The following KCNQ3 variants were observed in gnomAD, a reference collection of about 807,000 sequenced individuals.
The protein encoded by KCNQ3 is potassium voltage-gated channel subfamily KQT member 3.
In KCNQ3, 30 loss-of-function variants were observed where a neutral mutation model predicts 92.5. The observed-to-expected ratio is 0.32, with a 90% CI of 0.24 to 0.44. KCNQ3 has a LOEUF of 0.44. Ranked by LOEUF, KCNQ3 falls within the 20% of genes least tolerant of loss-of-function variation. The pLI is 1.00. For missense variants in KCNQ3, 913 were observed against 1,140.3 expected (o/e 0.80, Z 2.87); for synonymous variants, 450 against 468.8 (o/e 0.96, Z 0.52).
intron 1 of KCNQ3, among the ~76,000 whole-genome samples, chr8:132,204,241 A>C (rs1480347194): frequency 6.6e-6 from 1 of 152,252 alleles, no homozygotes; most frequent in East Asian, 1.9e-4. Context: ...CGCCGGAGGC[A>C]GATCCTGCAT....
At chr8:132,189,195 C>A (rs1369734130) in intron 1 of KCNQ3, among the ~76,000 whole-genome samples, 2 of 152,160 alleles carry the variant, frequency 1.3e-5, no homozygotes, top group African/African-American at 2.4e-5. Context: ...ATGTCCCCAT[C>A]ATTAACCTGC....
Position 132,122,422 on chromosome 8 carries a change from C to T in KCNQ3, c.*6840G>A, listed in dbSNP as rs1227756576. The T allele has an allele frequency of 6.6e-6, 1 of 152,304 alleles. No individual in the cohort carries two copies. The highest frequency in any genetic ancestry group is 2.4e-5 in the African/African-American group (1 of 41,566). The allele number at this position is 152,304 out of a possible 1,614,324, so 9.4% of individuals were successfully genotyped here. On this transcript the variant is annotated 3_prime_UTR_variant, in exon 15 of 15. Coordinates refer to ENST00000388996, the MANE Select transcript of KCNQ3 (RefSeq NM_004519.4). The stretch of plus-strand genomic sequence containing the variant: ...TTTATTACTCTTAGGTATCAAATTG[C>T]AGTCCATTCGACAAGTCTAAGAGGA...
intron 1 of KCNQ3, among the ~76,000 whole-genome samples, chr8:132,361,103 A>G (rs1403253367): frequency 6.6e-6 from 1 of 152,192 alleles, no homozygotes. Flanking sequence ...TTTTACAGAT[A>G]AGGGGGCTGA....
chr8:132,285,510 G>T (rs536946538), intron 1 of KCNQ3, among the ~76,000 whole-genome samples: 1 of 152,336 alleles, frequency 6.6e-6, no homozygotes, highest in Admixed American at 6.5e-5. Flanking sequence ...TTTTTAAGTA[G>T]CAAAGTGCTC....
chr8:132,308,204 T>C (rs1817488705), intron 1 of KCNQ3, among the ~76,000 whole-genome samples: 2 of 152,192 alleles, frequency 1.3e-5, no homozygotes, highest in Non-Finnish European at 2.9e-5. Context: ...CCACCTGACT[T>C]TGAGTCTAGG....
intron 1 of KCNQ3, among the ~76,000 whole-genome samples, chr8:132,217,991 T>A (rs1814096547): frequency 6.6e-6 from 1 of 152,222 alleles, no homozygotes; most frequent in Non-Finnish European, 1.5e-5. Context: ...GTTTATGTTA[T>A]TAATTTGCTT....
intron 1 of KCNQ3, chr8:132,447,108 T>C (rs898440901): frequency 9.2e-7 from 1 of 1,087,680 alleles, no homozygotes; most frequent in South Asian, 1.3e-5. Flanking sequence ...AAATAAGCTA[T>C]GCATGTGGCT....
chr8:132,340,031 T>C (rs191056006), intron 1 of KCNQ3, among the ~76,000 whole-genome samples: 4 of 151,402 alleles, frequency 2.6e-5, no homozygotes, highest in East Asian at 3.9e-4. Flanking sequence ...CACTGGTCAT[T>C]AGAGAAATGC....
At chr8:132,180,130 G>T in intron 4 of KCNQ3, 27 bp downstream of exon 4, 1 of 1,613,340 alleles carries the variant, frequency 6.2e-7, no homozygotes, top group African/African-American at 1.3e-5. Context: ...AGCCCATGTG[G>T]TCCTGCAGTT....
chr8:132,215,961 G>A (rs1369324481), intron 1 of KCNQ3, among the ~76,000 whole-genome samples: 1 of 152,122 alleles, frequency 6.6e-6, no homozygotes. Flanking sequence ...CTCAACGTAA[G>A]ATAAAGGGGA....
At chr8:132,414,681 G>C (rs1429448429) in intron 1 of KCNQ3, among the ~76,000 whole-genome samples, 5 of 152,148 alleles carry the variant, frequency 3.3e-5, no homozygotes, top group African/African-American at 1.2e-4. Flanking sequence ...CGGTGGGAAA[G>C]GTGGAGAGAC....
intron 1 of KCNQ3, among the ~76,000 whole-genome samples, chr8:132,358,087 C>T (rs764942961): frequency 2.0e-5 from 3 of 152,182 alleles, no homozygotes; most frequent in Non-Finnish European, 2.9e-5. Flanking sequence ...AAAAAAGGAG[C>T]TTCTTTAAGG....
intron 1 of KCNQ3, chr8:132,278,122 C>T (rs1029209422): frequency 1.0e-6 from 1 of 985,340 alleles, no homozygotes. Flanking sequence ...CACATTGCCT[C>T]TAACTAACTA....
intron 1 of KCNQ3, among the ~76,000 whole-genome samples, 154 bp downstream of exon 1, chr8:132,479,993 C>CACACACACACACA (rs1554660743): frequency 1.2e-4 from 18 of 148,524 alleles, no homozygotes; most frequent in South Asian, 4.3e-4. Context: ...CACACACACA[C>CACACACACACACA]CCAGGGAAAC....
At chr8:132,347,145 C>G (rs1281670979) in intron 1 of KCNQ3, among the ~76,000 whole-genome samples, 3 of 152,082 alleles carry the variant, frequency 2.0e-5, no homozygotes, top group Non-Finnish European at 2.9e-5. Flanking sequence ...ACCTTCTGCC[C>G]CTGGAGTCTG....
intron 1 of KCNQ3, among the ~76,000 whole-genome samples, chr8:132,190,146 G>A (rs1406050369): frequency 1.3e-5 from 2 of 152,144 alleles, no homozygotes; most frequent in Non-Finnish European, 2.9e-5. Flanking sequence ...AGGAAAAGGA[G>A]TCCTTAGCTG....
At position 132,126,612 on chromosome 8, in the gene KCNQ3, T is replaced by C. The variant is rs138685928; in HGVS notation, c.*2650A>G. On this transcript the variant is annotated 3_prime_UTR_variant, in exon 15 of 15. Transcript: ENST00000388996. ...ACATGTATTTTGTCTATGTCTATACTGATAAAGACAACTTACTAGATGTTA... is the reference window on the plus strand; with the variant it reads ...ACATGTATTTTGTCTATGTCTATACCGATAAAGACAACTTACTAGATGTTA... 1 of 152,228 alleles carries C rather than the reference T, an allele frequency of 6.6e-6. No individual in the cohort carries two copies. Among genetic ancestry groups the C allele is most frequent in the African/African-American group, 2.4e-5 (1 of 41,546 alleles). 9.4% of individuals were successfully genotyped at this position (152,228 alleles called of 1,614,324 possible).
At chr8:132,159,618 C>T (rs1438668004) in intron 9 of KCNQ3, among the ~76,000 whole-genome samples, 1 of 152,158 alleles carries the variant, frequency 6.6e-6, no homozygotes, top group African/African-American at 2.4e-5. Context: ...GTATCTACTG[C>T]TTCACTGATA....
chr8:132,271,497 T>C (rs1816147333), intron 1 of KCNQ3, among the ~76,000 whole-genome samples: 1 of 152,222 alleles, frequency 6.6e-6, no homozygotes, highest in African/African-American at 2.4e-5. Context: ...TTGGCTGCCA[T>C]GCATTTCACT....
Sources: gnomAD v4.1 joint callset for allele counts (sites outside exome capture counted in the v4.1 genomes callset) on GRCh38, gnomAD v4.1.1 for gene constraint, MANE v1.5 for transcripts, NCBI Gene and HGNC (gene_info 2026-07-23, HGNC 2026-07-21) for gene names.